Variants in GYS2 observed in about 807,000 individuals in gnomAD.
GYS2 encodes glycogen synthase 2.
Under a neutral mutation model 85.6 loss-of-function variants are expected in GYS2, and 80 were observed. The ratio of observed to expected loss-of-function variants is 0.93; its 90% confidence interval spans 0.78 to 1.13. The LOEUF (loss-of-function observed/expected upper bound fraction) is 1.13, where lower values mean the gene tolerates loss of function less well. Among genes scored for constraint, GYS2 ranks in the 50% most tolerant of loss-of-function variants. The pLI is 0.00. For synonymous variants in GYS2, 328 were observed against 300.7 expected (o/e 1.09, Z -0.94); for missense variants, 881 against 854.9 (o/e 1.03, Z -0.38).
At chr12:21,539,588 T>G (rs1490356931) in intron 14 of GYS2, among the ~76,000 whole-genome samples, 2 of 152,220 alleles carry the variant, frequency 1.3e-5, no homozygotes, top group Non-Finnish European at 2.9e-5. Flanking sequence ...TATTGAGCTC[T>G]GAATTGAGCA....
At chr12:21,534,159 G>C (rs1309935021), downstream of GYS2, among the ~76,000 whole-genome samples, 3 of 152,146 alleles carry the variant, frequency 2.0e-5, no homozygotes, top group Non-Finnish European at 4.4e-5. Flanking sequence ...GCAACACACA[G>C]TACACTCCTT....
chr12:21,553,116 C>T (rs1944133520), intron 11 of GYS2, among the ~76,000 whole-genome samples: 1 of 152,198 alleles, frequency 6.6e-6, no homozygotes, highest in East Asian at 1.9e-4. Flanking sequence ...GTGGCACATT[C>T]ATAGGTCATT....
At chr12:21,566,200 G>T (rs1005534448) in intron 5 of GYS2, among the ~76,000 whole-genome samples, 1 of 151,952 alleles carries the variant, frequency 6.6e-6, no homozygotes, top group Non-Finnish European at 1.5e-5. Flanking sequence ...AAAAATATCT[G>T]GTCCCATGCA....
At chr12:21,579,848 A>G (rs1944488756) in intron 2 of GYS2, among the ~76,000 whole-genome samples, 1 of 152,118 alleles carries the variant, frequency 6.6e-6, no homozygotes, top group Admixed American at 6.6e-5. Context: ...CTTTAACTTA[A>G]TCACATCTGC....
intron 1 of GYS2, among the ~76,000 whole-genome samples, chr12:21,591,033 C>T (rs1944632748): frequency 6.6e-6 from 1 of 152,098 alleles, no homozygotes; most frequent in African/African-American, 2.4e-5. Flanking sequence ...GCAATCATTA[C>T]ACCAGATGCA....
chr12:21,558,264 G>A lies in GYS2; in HGVS notation c.1358C>T (p.Thr453Ile), dbSNP rs756108445. ...VTTHNMIDDS[T>I]DPILSTIRRI... is the part of the protein sequence containing the mutation. ...TCTAATGGTGCTGAGGATGGGGTCG[G>A]TGGAGTCATCAATCATGTTGTGCGT... The change falls in exon 11 of 16, where the codon ACC becomes ATC. Residue 453 changes from threonine to isoleucine, a missense_variant. Physicochemically the swap from Thr to Ile is moderately conservative, Grantham distance 89. Coordinates refer to ENST00000261195, the MANE Select transcript of GYS2 (RefSeq NM_021957.4). 2 of 1,613,976 alleles carry A rather than the reference G, an allele frequency of 1.2e-6. No homozygotes were observed. The highest frequency in any genetic ancestry group is 4.5e-5 in the East Asian group (2 of 44,870).
chr12:21,543,931 G>A (rs138621510), intron 12 of GYS2, among the ~76,000 whole-genome samples: 318 of 152,274 alleles, frequency 2.1e-3, no homozygotes, highest in Non-Finnish European at 2.4e-3. Flanking sequence ...TGTCTACAAT[G>A]CCGTGAAAGT....
Position 21,536,251 on chromosome 12 carries a change from T to C in GYS2, c.*703A>G, listed in dbSNP as rs1304186972. 4 of 152,236 alleles carry C rather than the reference T, an allele frequency of 2.6e-5. No individual in the cohort carries two copies. The highest frequency in any genetic ancestry group is 3.9e-4 in the East Asian group (2 of 5,188). 9.4% of individuals were successfully genotyped at this position (152,236 alleles called of 1,614,324 possible). ...TTTTACAAGTTATCATCTATGAAGA[T>C]TGACCAAATTTTAAAAAGGCTTTCT... is the stretch of plus-strand genomic sequence containing the variant. On this transcript the variant is annotated 3_prime_UTR_variant, in exon 16 of 16. Transcript: ENST00000261195.
chr12:21,557,707 G>T (rs544121207), intron 11 of GYS2, among the ~76,000 whole-genome samples: 6 of 152,246 alleles, frequency 3.9e-5, no homozygotes, highest in African/African-American at 1.4e-4. Flanking sequence ...AGACCATCCT[G>T]GCTTACATGG....
chr12:21,571,659 C>T (rs1327145211), intron 4 of GYS2, among the ~76,000 whole-genome samples: 2 of 152,142 alleles, frequency 1.3e-5, no homozygotes. Flanking sequence ...CTAGGAAATT[C>T]TGCTACAATT....
chr12:21,575,716 A>G (rs1477014623), intron 3 of GYS2, 150 bp downstream of exon 3: 15 of 704,592 alleles, frequency 2.1e-5, no homozygotes, highest in Non-Finnish European at 3.8e-5. Context: ...AGAATGCTCA[A>G]CATTTCCTCA....
At chr12:21,546,763 C>A (rs1944045987) in intron 11 of GYS2, among the ~76,000 whole-genome samples, 1 of 152,158 alleles carries the variant, frequency 6.6e-6, no homozygotes, top group African/African-American at 2.4e-5. Context: ...TAAACTATAT[C>A]CTCCAGTCCA....
chr12:21,547,235 A>G (rs1013020607), intron 11 of GYS2, among the ~76,000 whole-genome samples: 37 of 152,328 alleles, frequency 2.4e-4, no homozygotes, highest in African/African-American at 8.7e-4. Flanking sequence ...ATAAATATAT[A>G]TTAATACTTA....
chr12:21,571,145 G>A (rs1021546441), intron 4 of GYS2, among the ~76,000 whole-genome samples: 2 of 152,188 alleles, frequency 1.3e-5, no homozygotes, highest in Non-Finnish European at 2.9e-5. Context: ...GATAGCAAGA[G>A]CCTGGAGACC....
At chr12:21,601,314 C>A (rs969055344) in intron 1 of GYS2, among the ~76,000 whole-genome samples, 15 of 152,196 alleles carry the variant, frequency 9.9e-5, no homozygotes, top group Admixed American at 4.6e-4. Flanking sequence ...CTTAGTACTT[C>A]CCACTACTGT....
At chr12:21,586,548 C>A (rs376247447) in intron 1 of GYS2, among the ~76,000 whole-genome samples, 1 of 151,934 alleles carries the variant, frequency 6.6e-6, no homozygotes, top group East Asian at 1.9e-4. Flanking sequence ...AGAAGACATA[C>A]AAGTGGCCAA....
chr12:21,592,595 T>C (rs1159797197), intron 1 of GYS2, among the ~76,000 whole-genome samples: 2 of 152,054 alleles, frequency 1.3e-5, no homozygotes, highest in African/African-American at 4.8e-5. Context: ...ATATAACAAT[T>C]CTAAACATTC....
chr12:21,551,816 A>T (rs1173969733), intron 11 of GYS2, among the ~76,000 whole-genome samples: 5 of 152,228 alleles, frequency 3.3e-5, no homozygotes, highest in Admixed American at 2.6e-4. Flanking sequence ...CTGGGCAATC[A>T]TCAAACTGGC....
In GYS2 at chr12:21,536,698, T is replaced by C. The variant is rs1943913848; in HGVS notation, c.*256A>G. On this transcript the variant is annotated 3_prime_UTR_variant, in exon 16 of 16. Coordinates refer to ENST00000261195, the MANE Select transcript of GYS2 (RefSeq NM_021957.4). ...TTAAATTCACCATTTTAAAAACACT[T>C]TTCCGTCTTCTGCCTTTAATGAGTG... The C allele has an allele frequency of 2.0e-6, 1 of 499,338 alleles. No homozygotes were observed. Among genetic ancestry groups the C allele is most frequent in the Admixed American group, 3.4e-5 (1 of 29,850 alleles). 30.9% of individuals were successfully genotyped at this position (499,338 alleles called of 1,614,324 possible). A position where few individuals can be genotyped will look rare whatever the true frequency, so the allele number is the denominator to read the frequency against.
Sources: gnomAD v4.1 joint callset for allele counts (sites outside exome capture counted in the v4.1 genomes callset) on GRCh38, gnomAD v4.1.1 for gene constraint, MANE v1.5 for transcripts, NCBI Gene and HGNC (gene_info 2026-07-23, HGNC 2026-07-21) for gene names.